The following ICA1 variants were observed in gnomAD, a reference collection of about 807,000 sequenced individuals.
ICA1 encodes islet cell autoantigen 1, also known as 69 kDa islet cell autoantigen.
A neutral mutation model predicts 71.0 loss-of-function variants in ICA1; 40 were observed. That is an observed-to-expected ratio of 0.56 (90% confidence interval 0.44 to 0.73). The LOEUF (loss-of-function observed/expected upper bound fraction) is 0.73. Ranked by LOEUF, ICA1 falls within the 30% of genes least tolerant of loss-of-function variation. ICA1 has a pLI of 0.00. For missense variants in ICA1, 578 were observed against 576.5 expected, an observed-to-expected ratio of 1.00 and a Z score of -0.03; for synonymous variants, 207 against 209.5, an observed-to-expected ratio of 0.99 and a Z score of 0.10.
chr7:8,163,443 T>C (rs1302418153), intron 6 of ICA1, among the ~76,000 whole-genome samples: 1 of 152,262 alleles, frequency 6.6e-6, no homozygotes, highest in Non-Finnish European at 1.5e-5. Flanking sequence ...AATCCATTCA[T>C]TCAGCAAATA....
chr7:8,262,193 CG>C (rs1584046388), upstream of ICA1: 1 of 152,056 alleles, frequency 6.6e-6, no homozygotes, highest in Non-Finnish European at 1.5e-5. Flanking sequence ...GGGAAAGGGG[CG>C]GGGGGAGCGC....
chr7:8,181,285 C>A (rs1465245975), intron 6 of ICA1, among the ~76,000 whole-genome samples: 11 of 152,216 alleles, frequency 7.2e-5, no homozygotes, highest in East Asian at 3.9e-4. Context: ...AATCAAGTGA[C>A]CTTATATGTG....
Position 8,143,098 on chromosome 7 carries a change from A to T in ICA1, c.902+777T>A, listed in dbSNP as rs557487604. On this transcript the variant is annotated intron_variant, in intron 9 of 13. Coordinates refer to ENST00000402384, the MANE Select transcript of ICA1 (RefSeq NM_001136020.3). ...GGAAAAGGAGTAGAGAATAGAAACG[A>T]GGCCATCCATTTTGTTTTCCTAGGT... Among the ~76,000 whole-genome samples, 204 of 152,352 alleles carry T rather than the reference A, an allele frequency of 1.3e-3. 1 individual carries two copies. The highest frequency in any genetic ancestry group is 4.6e-3 in the African/African-American group (190 of 41,578).
chr7:8,237,748 G>A (rs1487777281), intron 1 of ICA1, among the ~76,000 whole-genome samples: 1 of 152,042 alleles, frequency 6.6e-6, no homozygotes, highest in Non-Finnish European at 1.5e-5. Flanking sequence ...GTTCATCTGT[G>A]TTGTAGTATA....
intron 13 of ICA1, among the ~76,000 whole-genome samples, chr7:8,118,691 G>C (rs937132971): frequency 2.0e-5 from 3 of 152,178 alleles, no homozygotes; most frequent in African/African-American, 7.2e-5. Context: ...TAGAAAAGCT[G>C]AGAAGTATTG....
chr7:8,167,321 C>A (rs1174024026), intron 6 of ICA1, among the ~76,000 whole-genome samples: 2 of 152,192 alleles, frequency 1.3e-5, no homozygotes, highest in African/African-American at 4.8e-5. Context: ...ATGTCCTCTG[C>A]AGCAACATGG....
chr7:8,251,437 A>C (rs1038255618), intron 1 of ICA1, among the ~76,000 whole-genome samples: 5 of 149,448 alleles, frequency 3.3e-5, no homozygotes, highest in African/African-American at 1.2e-4. Flanking sequence ...TCTGTAAAAC[A>C]GTAGACTAGG....
intron 13 of ICA1, among the ~76,000 whole-genome samples, chr7:8,118,068 CT>C (rs1371012650): frequency 6.6e-6 from 1 of 152,100 alleles, no homozygotes; most frequent in African/African-American, 2.4e-5. Flanking sequence ...AAACAGAGTA[CT>C]CTTTTAAACC....
At chr7:8,121,896 A>G (rs1787107499) in intron 13 of ICA1, among the ~76,000 whole-genome samples, 1 of 152,212 alleles carries the variant, frequency 6.6e-6, no homozygotes, top group African/African-American at 2.4e-5. Context: ...TACTAGTCCC[A>G]CAGAAATTAA....
intron 1 of ICA1, among the ~76,000 whole-genome samples, chr7:8,260,665 C>G (rs931395264): frequency 9.9e-5 from 15 of 152,152 alleles, no homozygotes; most frequent in Non-Finnish European, 2.1e-4. Context: ...GATATTTGAG[C>G]TATTCAGGAT....
Position 8,173,840 on chromosome 7 carries a change from C to T in ICA1, c.580-15188G>A, listed in dbSNP as rs1779624279. Reference sequence around the variant, plus strand: ...AATATAATTGAACACCTATAGCTCTCGGTGCTGGAGATAAGCAGAGAATAA... The same window carrying T: ...AATATAATTGAACACCTATAGCTCTTGGTGCTGGAGATAAGCAGAGAATAA... On this transcript the variant is annotated intron_variant, in intron 6 of 13. Coordinates refer to ENST00000402384, the MANE Select transcript of ICA1 (RefSeq NM_001136020.3). The surrounding 1 kb of genome is among the most constrained non-coding windows in gnomAD (Gnocchi z 4.0). Among the ~76,000 whole-genome samples, 1 of 151,982 alleles carries T rather than the reference C, an allele frequency of 6.6e-6. No homozygotes were observed. Among genetic ancestry groups the T allele is most frequent in the African/African-American group, 2.4e-5 (1 of 41,374 alleles).
chr7:8,253,258 A>G (rs1007922619), intron 1 of ICA1, among the ~76,000 whole-genome samples: 12 of 152,240 alleles, frequency 7.9e-5, no homozygotes, highest in African/African-American at 2.9e-4. Context: ...TTACAAAAAT[A>G]AAATCATATG....
chr7:8,217,685 G>C (rs748643701), intron 6 of ICA1, among the ~76,000 whole-genome samples: 8 of 152,246 alleles, frequency 5.3e-5, no homozygotes, highest in Middle Eastern at 6.8e-3. Context: ...ATGTATTCTT[G>C]TATGACAAAA....
In ICA1 at chr7:8,214,927, A is replaced by T. The variant is rs1794929447; in HGVS notation, c.579+3378T>A. Among the ~76,000 whole-genome samples the T allele has an allele frequency of 2.6e-5, 4 of 152,318 alleles. No homozygotes were observed. In the South Asian group the frequency reaches 8.3e-4, roughly 32 times the overall value. ...TTCTAAAGACAATGAAGAGCTCAGC[A>T]ATTAAAGTGGTGCTACCACGGAATC... On this transcript the variant is annotated intron_variant, in intron 6 of 13. Coordinates refer to ENST00000402384, the MANE Select transcript of ICA1 (RefSeq NM_001136020.3).
chr7:8,261,527 G>A (rs1421132491), intron 1 of ICA1, among the ~76,000 whole-genome samples: 2 of 152,134 alleles, frequency 1.3e-5, no homozygotes, highest in African/African-American at 4.8e-5. Flanking sequence ...TCGCCCCCGG[G>A]GGACCAAGCT....
chr7:8,229,780 T>C (rs953682381), intron 3 of ICA1, among the ~76,000 whole-genome samples: 4 of 152,254 alleles, frequency 2.6e-5, no homozygotes, highest in African/African-American at 9.6e-5. Context: ...ATTCTCATTT[T>C]GTTAAATTGC....
Position 8,158,429 on chromosome 7 carries a change from C to T in ICA1, c.705+98G>A, listed in dbSNP as rs180902469. 3.3e-5 allele frequency: 50 copies of T among 1,496,010 alleles called. No homozygotes were observed. The African/African-American group carries it at 5.3e-4, about 16-fold the overall frequency. 92.7% of individuals were successfully genotyped at this position (1,496,010 alleles called of 1,614,324 possible). On this transcript the variant is annotated intron_variant, in intron 7 of 13. Coordinates refer to ENST00000402384, the MANE Select transcript of ICA1 (RefSeq NM_001136020.3). ...AATTACGGAAAGGCATTCAGAACTT[C>T]ACAATGGCCAAAGCTTACTTTTAGC...
At chr7:8,237,687 G>C (rs924556285) in intron 1 of ICA1, among the ~76,000 whole-genome samples, 3 of 152,014 alleles carry the variant, frequency 2.0e-5, no homozygotes, top group Non-Finnish European at 4.4e-5. Context: ...CAAACACTCA[G>C]TATTTGTGTT....
At chr7:8,158,128 A>G (rs991269471) in intron 7 of ICA1, among the ~76,000 whole-genome samples, 2 of 152,224 alleles carry the variant, frequency 1.3e-5, no homozygotes, top group Non-Finnish European at 2.9e-5. Context: ...AATGCATTGA[A>G]TACTGACAAC....
Sources: allele counts gnomAD v4.1 joint callset (sites outside exome capture counted in the v4.1 genomes callset), GRCh38; gene constraint gnomAD v4.1.1; non-coding constraint Gnocchi (gnomAD v3.1); transcripts MANE v1.5; gene names NCBI Gene and HGNC (gene_info 2026-07-23, HGNC 2026-07-21).